The following EEFSEC variants were observed in gnomAD, a reference collection of about 807,000 sequenced individuals.
EEFSEC encodes the protein selenocysteine-specific elongation factor.
Under a neutral mutation model 42.1 loss-of-function variants are expected in EEFSEC, and 43 were observed. The observed-to-expected ratio is 1.02, with a 90% CI of 0.80 to 1.32. The LOEUF is 1.32. EEFSEC is among the 40% of genes most tolerant of loss of function. The probability of loss-of-function intolerance (pLI) is 0.00; values close to 1 mark genes in which losing one functional copy is unlikely to be tolerated. For missense variants in EEFSEC, 745 were observed against 803.6 expected (o/e 0.93, Z 0.88); for synonymous variants, 354 against 339.1 (o/e 1.04, Z -0.48).
At chr3:128,404,362 C>A (rs142839984) in intron 6 of EEFSEC, among the ~76,000 whole-genome samples, 6 of 152,360 alleles carry the variant, frequency 3.9e-5, no homozygotes, top group Non-Finnish European at 8.8e-5. Context: ...GACTTTCCGG[C>A]TCTGCCTGCT....
At chr3:128,337,758 T>A (rs1369433909) in intron 4 of EEFSEC, among the ~76,000 whole-genome samples, 2 of 152,194 alleles carry the variant, frequency 1.3e-5, no homozygotes, top group Non-Finnish European at 2.9e-5. Flanking sequence ...AGATGCACAT[T>A]TGATAGGCCA....
rs985186458 is a variant in EEFSEC at position 128,185,112 on chromosome 3, A to G, written c.316+31289A>G. Among the ~76,000 whole-genome samples, 5 of 148,442 alleles carry G rather than the reference A, an allele frequency of 3.4e-5. No homozygotes were observed. The Admixed American group carries it at 3.5e-4, about 10-fold the overall frequency. ...TCAAATAGCTCTGTAAACTGAAAGCAGTTTTTTGGAGTTTGGATGCAAAAC... is the reference window on the plus strand; with the variant it reads ...TCAAATAGCTCTGTAAACTGAAAGCGGTTTTTTGGAGTTTGGATGCAAAAC... On this transcript the variant is annotated intron_variant, in intron 1 of 6. Coordinates refer to ENST00000254730, the MANE Select transcript of EEFSEC (RefSeq NM_021937.5).
intron 4 of EEFSEC, among the ~76,000 whole-genome samples, chr3:128,290,023 G>T (rs537181768): frequency 6.6e-6 from 1 of 152,098 alleles, no homozygotes; most frequent in African/African-American, 2.4e-5. Context: ...GATTTCTCCC[G>T]GTCTATAAAT....
At chr3:128,418,601 GC>G in the EEFSEC span, among the ~76,000 whole-genome samples, 1 of 145,852 alleles carries the variant, frequency 6.9e-6, no homozygotes, top group Non-Finnish European at 1.5e-5. Context: ...GCCATTCCCT[GC>G]CCCCACTCTG....
intron 4 of EEFSEC, among the ~76,000 whole-genome samples, chr3:128,339,144 A>G (rs749577641): frequency 3.3e-5 from 5 of 152,038 alleles, no homozygotes; most frequent in Non-Finnish European, 5.9e-5. Flanking sequence ...CATTTCAGAG[A>G]TGTTTTCTGT....
chr3:128,211,134 T>C (rs1425331923), intron 1 of EEFSEC, among the ~76,000 whole-genome samples: 2 of 152,222 alleles, frequency 1.3e-5, no homozygotes, highest in African/African-American at 4.8e-5. Flanking sequence ...GGACTAGAGA[T>C]CATAGAGAGC....
intron 4 of EEFSEC, among the ~76,000 whole-genome samples, chr3:128,307,544 C>T (rs576618687): frequency 6.6e-6 from 1 of 152,334 alleles, no homozygotes; most frequent in African/African-American, 2.4e-5. Context: ...CCTATGTCCA[C>T]TTGGTCTCTA....
At chr3:128,229,196 G>T (rs1473637685) in intron 1 of EEFSEC, among the ~76,000 whole-genome samples, 1 of 152,212 alleles carries the variant, frequency 6.6e-6, no homozygotes, top group Non-Finnish European at 1.5e-5. Context: ...CACAGCATAT[G>T]TATACTGTGG....
chr3:128,209,805 T>A (rs1475025746), intron 1 of EEFSEC, among the ~76,000 whole-genome samples: 1 of 152,196 alleles, frequency 6.6e-6, no homozygotes, highest in East Asian at 1.9e-4. Flanking sequence ...GAGATTTGGG[T>A]ATTTTAGAGA....
chr3:128,286,007 G>A (rs996503227), intron 4 of EEFSEC, among the ~76,000 whole-genome samples: 1 of 152,224 alleles, frequency 6.6e-6, no homozygotes, highest in Non-Finnish European at 1.5e-5. Context: ...ACATGGGTTT[G>A]TAGTCATGCA....
At chr3:128,176,786 G>T (rs188715952) in intron 1 of EEFSEC, among the ~76,000 whole-genome samples, 15 of 152,114 alleles carry the variant, frequency 9.9e-5, no homozygotes, top group African/African-American at 3.4e-4. Context: ...TGCAAGATCA[G>T]AAAGAACTAT....
At chr3:128,334,266 G>C (rs1054101519) in intron 4 of EEFSEC, among the ~76,000 whole-genome samples, 1 of 152,220 alleles carries the variant, frequency 6.6e-6, no homozygotes, top group Admixed American at 6.5e-5. Flanking sequence ...CACTGGTGGC[G>C]AGGAGTCCCC....
chr3:128,268,065 G>C (rs542797853), intron 4 of EEFSEC, among the ~76,000 whole-genome samples: 124 of 152,214 alleles, frequency 8.1e-4, no homozygotes, highest in Non-Finnish European at 1.4e-3. Context: ...CTGAGAGCAG[G>C]GCTCTGGAAA....
At chr3:128,393,290 C>T (rs1252751744) in intron 6 of EEFSEC, among the ~76,000 whole-genome samples, 5 of 152,250 alleles carry the variant, frequency 3.3e-5, no homozygotes, top group African/African-American at 4.8e-5. Context: ...TTCCAGGGTA[C>T]TGGCCTGGCT....
intron 1 of EEFSEC, among the ~76,000 whole-genome samples, chr3:128,189,233 A>G (rs886820066): frequency 6.6e-6 from 1 of 152,218 alleles, no homozygotes; most frequent in Non-Finnish European, 1.5e-5. Context: ...CTCCTTGACA[A>G]GCGCCTCGCA....
chr3:128,324,445 G>A (rs1427800479), intron 4 of EEFSEC, among the ~76,000 whole-genome samples: 1 of 152,184 alleles, frequency 6.6e-6, no homozygotes, highest in Non-Finnish European at 1.5e-5. Context: ...GTGTTGGGGT[G>A]TCAGCACACT....
intron 1 of EEFSEC, among the ~76,000 whole-genome samples, chr3:128,184,727 T>C (rs1174904431): frequency 6.6e-6 from 1 of 152,244 alleles, no homozygotes; most frequent in Non-Finnish European, 1.5e-5. Flanking sequence ...AAGGACATTT[T>C]TTTTCCTTAT....
intron 4 of EEFSEC, among the ~76,000 whole-genome samples, chr3:128,340,274 C>T (rs2067235760): frequency 6.6e-6 from 1 of 152,096 alleles, no homozygotes; most frequent in Non-Finnish European, 1.5e-5. Flanking sequence ...GAGACCTTTA[C>T]CCCACCCAGG....
chr3:128,401,907 G>A (rs1466709611), intron 6 of EEFSEC, among the ~76,000 whole-genome samples: 1 of 152,194 alleles, frequency 6.6e-6, no homozygotes, highest in Non-Finnish European at 1.5e-5. Context: ...CTTACCTCTT[G>A]TCCCTGTCCT....
Sources: gnomAD v4.1 joint callset for allele counts (sites outside exome capture counted in the v4.1 genomes callset) on GRCh38, gnomAD v4.1.1 for gene constraint, MANE v1.5 for transcripts, NCBI Gene and HGNC (gene_info 2026-07-23, HGNC 2026-07-21) for gene names.